Variants in HDAC8 observed in about 807,000 individuals in gnomAD.
HDAC8 encodes histone deacetylase-like 1.
In HDAC8, 1 loss-of-function variant was observed where a neutral mutation model predicts 32.2. The ratio of observed to expected loss-of-function variants is 0.03; its 90% CI spans 0.01 to 0.15. The LOEUF is 0.15. Among genes scored for constraint, HDAC8 ranks in the 10% least tolerant of loss-of-function variants. The pLI is 1.00. For missense variants in HDAC8, 117 were observed against 300.0 expected, an observed-to-expected ratio of 0.39 and a Z score of 4.51; for synonymous variants, 108 against 113.9, an observed-to-expected ratio of 0.95 and a Z score of 0.33.
At chrX:72,427,418 T>C (rs1309894726) in intron 9 of HDAC8, among the ~76,000 whole-genome samples, 1 of 110,485 alleles carries the variant, frequency 9.1e-6, no homozygotes, top group Non-Finnish European at 1.9e-5. Flanking sequence ...TATGCAGCCA[T>C]AAAAAATGAT....
chrX:72,511,664 G>T (rs1340451295), intron 4 of HDAC8, among the ~76,000 whole-genome samples: 1 of 112,207 alleles, frequency 8.9e-6, no homozygotes, highest in Admixed American at 9.4e-5. Context: ...AGGAGAGAGA[G>T]AAGAGTGTTT....
At chrX:72,359,707 A>C (rs1555951854) in intron 9 of HDAC8, among the ~76,000 whole-genome samples, 2 of 110,977 alleles carry the variant, frequency 1.8e-5, no homozygotes, top group Non-Finnish European at 3.8e-5. Flanking sequence ...GGTGGGGGAC[A>C]AAAAAGGCTT....
chrX:72,440,135 C>T (rs1170110848), intron 9 of HDAC8, among the ~76,000 whole-genome samples: 1 of 112,242 alleles, frequency 8.9e-6, no homozygotes, highest in Non-Finnish European at 1.9e-5. Flanking sequence ...TCTCAGACTA[C>T]AGCACAATCA....
intron 7 of HDAC8, among the ~76,000 whole-genome samples, chrX:72,483,820 AT>A (rs2048585072): frequency 9.0e-6 from 1 of 111,436 alleles, no homozygotes; most frequent in Non-Finnish European, 1.9e-5. Context: ...AGATACTATA[AT>A]TTTTTTCTTC....
intron 7 of HDAC8, among the ~76,000 whole-genome samples, chrX:72,488,174 C>A (rs899672805): frequency 4.5e-5 from 5 of 111,490 alleles, no homozygotes; most frequent in African/African-American, 1.3e-4. Context: ...GAAGAACCTC[C>A]ACCAGAGGTT....
chrX:72,495,969 G>A (rs188480690), intron 4 of HDAC8, among the ~76,000 whole-genome samples: 3 of 111,694 alleles, frequency 2.7e-5, no homozygotes, highest in East Asian at 2.8e-4. Context: ...GTGATAATGC[G>A]TCACTTTAAC....
chrX:72,334,285 G>A (rs1238960060), intron 10 of HDAC8, among the ~76,000 whole-genome samples: 2 of 111,989 alleles, frequency 1.8e-5, no homozygotes, highest in Admixed American at 1.9e-4. Context: ...AAAGCAGGCT[G>A]GGGGCAAGAC....
Position 72,567,790 on chromosome X carries a change from C to T in HDAC8, c.437+99G>A, listed in dbSNP as rs111553749. On this transcript the variant is annotated intron_variant, in intron 4 of 10. Coordinates refer to ENST00000373573, the MANE Select transcript of HDAC8 (RefSeq NM_018486.3). ...CCTTGTAAAGTGCCACATACACACACGTCTCTCTGTAAATGTCAATACAAT... is the reference window on the plus strand; with the variant it reads ...CCTTGTAAAGTGCCACATACACACATGTCTCTCTGTAAATGTCAATACAAT... The T allele has an allele frequency of 9.1e-6, 11 of 1,209,138 alleles. No homozygotes were observed. The highest frequency in any genetic ancestry group is 5.2e-5 in the African/African-American group (3 of 57,152).
chrX:72,528,892 C>T (rs2050243181), intron 4 of HDAC8, among the ~76,000 whole-genome samples: 1 of 112,238 alleles, frequency 8.9e-6, no homozygotes, highest in South Asian at 3.7e-4. Context: ...ATATCCAAAC[C>T]CGTTCTCTTT....
intron 9 of HDAC8, among the ~76,000 whole-genome samples, chrX:72,452,925 C>G (rs1326938031): frequency 1.8e-5 from 2 of 110,792 alleles, no homozygotes; most frequent in Non-Finnish European, 3.8e-5. Flanking sequence ...TATAAATATG[C>G]TCCATATGCT....
intron 4 of HDAC8, among the ~76,000 whole-genome samples, chrX:72,558,626 C>T (rs1431276661): frequency 1.8e-5 from 2 of 111,329 alleles, no homozygotes; most frequent in Non-Finnish European, 3.8e-5. Context: ...AACCCACGGC[C>T]AACATTATAC....
chrX:72,526,194 A>G (rs1237955813), intron 4 of HDAC8, among the ~76,000 whole-genome samples: 1 of 111,239 alleles, frequency 9.0e-6, no homozygotes, highest in Admixed American at 9.5e-5. Context: ...CTCTAGCAAT[A>G]CTGAAATGCC....
intron 9 of HDAC8, among the ~76,000 whole-genome samples, chrX:72,445,045 A>T (rs1300649756): frequency 9.3e-6 from 1 of 108,005 alleles, no homozygotes; most frequent in African/African-American, 3.4e-5. Flanking sequence ...ATACAAACAA[A>T]TGGAAGAACA....
intron 9 of HDAC8, among the ~76,000 whole-genome samples, chrX:72,402,253 A>G (rs1455011233): frequency 1.8e-5 from 2 of 110,547 alleles, no homozygotes; most frequent in Non-Finnish European, 3.8e-5. Flanking sequence ...TTCTTAGTCA[A>G]TCTACCTACA....
At chrX:72,524,768 C>A (rs2050086838) in intron 4 of HDAC8, among the ~76,000 whole-genome samples, 1 of 110,956 alleles carries the variant, frequency 9.0e-6, no homozygotes, top group Non-Finnish European at 1.9e-5. Context: ...CCTGGCAACC[C>A]CTTTTCCCAT....
chrX:72,362,322 C>T (rs2044577132), intron 9 of HDAC8, among the ~76,000 whole-genome samples: 1 of 111,845 alleles, frequency 8.9e-6, no homozygotes, highest in Admixed American at 9.5e-5. Context: ...GCTGGCTCCC[C>T]TTTGCCTTCC....
At chrX:72,417,186 T>C (rs1459115653) in intron 9 of HDAC8, among the ~76,000 whole-genome samples, 7 of 111,102 alleles carry the variant, frequency 6.3e-5, no homozygotes, top group Non-Finnish European at 1.1e-4. Flanking sequence ...ACAAGGATGC[T>C]TACTCTCATC....
At position 72,509,708 on chromosome X, in the gene HDAC8, G is replaced by A. The variant is rs898444737; in HGVS notation, c.438-14440C>T. On this transcript the variant is annotated intron_variant, in intron 4 of 10. Coordinates refer to ENST00000373573, the MANE Select transcript of HDAC8 (RefSeq NM_018486.3). ...AGCGAAGAGTGGAATGGTAGTTGCCGGGGCAGAGGAGAGGGGGAAATGGGG... is the reference window on the plus strand; with the variant it reads ...AGCGAAGAGTGGAATGGTAGTTGCCAGGGCAGAGGAGAGGGGGAAATGGGG... 8.1e-5 allele frequency among the ~76,000 whole-genome samples: 9 copies of A among 111,070 alleles called. No homozygotes were observed. In the Admixed American group the frequency reaches 8.6e-4, roughly 11 times the overall value.
chrX:72,461,895 A>C (rs1189160597), intron 9 of HDAC8, 109 bp downstream of exon 9: 1 of 520,486 alleles, frequency 1.9e-6, no homozygotes, highest in African/African-American at 2.3e-5. Context: ...TTGTTATTGA[A>C]GTGTCTCTCA....
Sources: allele counts gnomAD v4.1 joint callset (sites outside exome capture counted in the v4.1 genomes callset), GRCh38; gene constraint gnomAD v4.1.1; transcripts MANE v1.5; gene names NCBI Gene and HGNC (gene_info 2026-07-23, HGNC 2026-07-21).